The following QSER1 variants were observed in gnomAD, a reference collection of about 807,000 sequenced individuals.
The protein encoded by QSER1 is glutamine and serine-rich protein 1.
QSER1 carries 49 observed loss-of-function variants against 158.5 expected under a neutral mutation model. The observed-to-expected ratio is 0.31, with a 90% CI of 0.25 to 0.39. QSER1 has a LOEUF of 0.39. Ranked by LOEUF, QSER1 falls within the 10% of genes least tolerant of loss-of-function variation. The pLI is 1.00. For missense variants in QSER1, 1,754 were observed against 2,010.3 expected (o/e 0.87, Z 2.44); for synonymous variants, 650 against 715.5 (o/e 0.91, Z 1.46).
intron 9 of QSER1, among the ~76,000 whole-genome samples, chr11:32,966,938 A>T (rs1852759834): frequency 1.3e-5 from 2 of 152,292 alleles, no homozygotes; most frequent in Middle Eastern, 3.4e-3. Flanking sequence ...TTATTTGAGA[A>T]ATCTCCATAC....
chr11:32,951,157 TTTTAATTATAATCATCC>T (rs1213927917), intron 4 of QSER1, among the ~76,000 whole-genome samples: 3 of 152,202 alleles, frequency 2.0e-5, no homozygotes, highest in African/African-American at 7.2e-5. Context: ...ATGTCTATAT[TTTTAATTATAATCATCC>T]TAGTAGGATG....
intron 4 of QSER1, among the ~76,000 whole-genome samples, chr11:32,943,293 G>A (rs1852271691): frequency 6.8e-6 from 1 of 147,686 alleles, no homozygotes; most frequent in African/African-American, 2.5e-5. Context: ...GGTGAGAGAG[G>A]GCATCCCTGT....
chr11:32,958,898 AG>A (rs1852572391), intron 8 of QSER1, among the ~76,000 whole-genome samples: 1 of 152,182 alleles, frequency 6.6e-6, no homozygotes, highest in South Asian at 2.1e-4. Context: ...TAAAATGTAA[AG>A]GTTGAAATAA....
chr11:32,971,460 T>G (rs1227162699), intron 10 of QSER1, among the ~76,000 whole-genome samples: 1 of 152,182 alleles, frequency 6.6e-6, no homozygotes, highest in Non-Finnish European at 1.5e-5. Context: ...TTGGAAAGAT[T>G]TAAATTTTCT....
rs903909132 is a variant in QSER1, at chr11:32,963,400, G to T, written c.4970-2900G>T. ...AGACGGAGTCTCGCACTATCGTCCA[G>T]GCTGGAGTGCAGTGGCGCGATCTCG... On this transcript the variant is annotated intron_variant, in intron 8 of 12. Coordinates refer to ENST00000650167, the MANE Select transcript of QSER1 (RefSeq NM_001076786.3). 4.6e-5 allele frequency among the ~76,000 whole-genome samples: 7 copies of T among 152,160 alleles called. No homozygotes were observed. In the South Asian group the frequency reaches 6.2e-4, roughly 14 times the overall value.
intron 4 of QSER1, among the ~76,000 whole-genome samples, chr11:32,946,729 A>C (rs1462082506): frequency 6.6e-6 from 1 of 152,010 alleles, no homozygotes; most frequent in African/African-American, 2.4e-5. Flanking sequence ...AGAGGCAGGC[A>C]GGCCTCCTTG....
intron 1 of QSER1, among the ~76,000 whole-genome samples, chr11:32,925,602 A>G (rs1302326620): frequency 1.3e-5 from 2 of 151,782 alleles, no homozygotes; most frequent in African/African-American, 4.8e-5. Flanking sequence ...ATCTCAGCTC[A>G]CTGCAACGTC....
rs112436202 is a variant in QSER1, at chr11:32,947,090, G to A, written c.4178-6767G>A. Among the ~76,000 whole-genome samples, 628 of 152,288 alleles carry A rather than the reference G, an allele frequency of 4.1e-3. 3 individuals are homozygous for A. Among genetic ancestry groups the A allele is most frequent in the African/African-American group, 0.012 (505 of 41,560 alleles). ...GCAATGCCTCACCCTGCTTTGGCTC[G>A]CGCACGGTGCGTGCACCCACTGACC... On this transcript the variant is annotated intron_variant, in intron 4 of 12. Transcript: ENST00000650167.
intron 1 of QSER1, among the ~76,000 whole-genome samples, chr11:32,922,998 G>A (rs1291547218): frequency 1.3e-5 from 2 of 152,116 alleles, no homozygotes; most frequent in South Asian, 2.1e-4. Context: ...AAAAACTTAT[G>A]CACATGTGTA....
chr11:32,954,320 A>G (rs1280432312), intron 5 of QSER1, 141 bp downstream of exon 5: 4 of 948,514 alleles, frequency 4.2e-6, no homozygotes, highest in Non-Finnish European at 6.0e-6. Flanking sequence ...AAATCAAAAT[A>G]TTAAGAGTAG....
Position 32,947,921 on chromosome 11 carries a change from T to C in QSER1, c.4178-5936T>C, listed in dbSNP as rs180964741. Among the ~76,000 whole-genome samples, 53 of 152,350 alleles carry C rather than the reference T, an allele frequency of 3.5e-4. 1 individual carries two copies. The East Asian group carries it at 0.01, about 29-fold the overall frequency. ...ACTAATGTTGTTATTAGCATTTTTT[T>C]AGTATTTTTCCATATCTATGTTTTC... On this transcript the variant is annotated intron_variant, in intron 4 of 12. Coordinates refer to ENST00000650167, the MANE Select transcript of QSER1 (RefSeq NM_001076786.3).
chr11:32,960,914 T>C (rs543767544), intron 8 of QSER1, among the ~76,000 whole-genome samples: 5 of 152,206 alleles, frequency 3.3e-5, no homozygotes, highest in Admixed American at 6.5e-5. Context: ...TTCAGACTCT[T>C]TGTTTCAGGA....
chr11:32,915,014 G>C (rs749490968), intron 1 of QSER1, among the ~76,000 whole-genome samples: 1 of 152,058 alleles, frequency 6.6e-6, no homozygotes. Context: ...TGACCTGCTG[G>C]GCTCAAGCCA....
In QSER1 at chr11:32,976,557, G is replaced by T; in HGVS notation, c.*83G>T. ...GTCAAAGATAATCAGATGTCAAGTA[G>T]TGGCCTTCTGCAGGCCGGCCGCTTC... On this transcript the variant is annotated 3_prime_UTR_variant, in exon 13 of 13. Coordinates refer to ENST00000650167, the MANE Select transcript of QSER1 (RefSeq NM_001076786.3). The T allele has an allele frequency of 6.8e-7, 1 of 1,463,350 alleles. No homozygotes were observed. Among genetic ancestry groups the T allele is most frequent in the South Asian group, 1.2e-5 (1 of 81,348 alleles). The allele number at this position is 1,463,350 out of a possible 1,614,324, so 90.6% of individuals were successfully genotyped here.
rs1395522145 is a variant in QSER1, at chr11:32,932,368, C to T, written c.1110C>T (p.Ser370=). 5.6e-6 allele frequency: 9 copies of T among 1,612,232 alleles called. No individual in the cohort carries two copies. Among genetic ancestry groups the T allele is most frequent in the Non-Finnish European group, 6.8e-6 (8 of 1,180,016 alleles). The change falls in exon 4 of 13, where the codon TCC becomes TCT. Residue 370 remains serine, a synonymous_variant. Coordinates refer to ENST00000650167, the MANE Select transcript of QSER1 (RefSeq NM_001076786.3). The part of the protein sequence containing the change: ...SSLSCSPIGD[S]TQVSNGGLQQ... ...TATCCTGTAGCCCAATTGGAGATTC[C>T]ACTCAGGTGAGCAACGGAGGATTAC... is the stretch of plus-strand genomic sequence containing the variant.
intron 1 of QSER1, among the ~76,000 whole-genome samples, chr11:32,902,091 A>G (rs772071003): frequency 6.6e-6 from 1 of 152,186 alleles, no homozygotes; most frequent in Non-Finnish European, 1.5e-5. Context: ...TCAAAAACAC[A>G]ACAAAAAAAT....
intron 1 of QSER1, among the ~76,000 whole-genome samples, chr11:32,907,132 T>G (rs1367593636): frequency 6.6e-6 from 1 of 152,202 alleles, no homozygotes; most frequent in Non-Finnish European, 1.5e-5. Context: ...TACAAATTTG[T>G]GGACATTTCC....
At chr11:32,940,823 T>C (rs1442589375) in intron 4 of QSER1, among the ~76,000 whole-genome samples, 1 of 152,164 alleles carries the variant, frequency 6.6e-6, no homozygotes, top group Admixed American at 6.5e-5. Context: ...TGTCAGTCTG[T>C]GAAAGGTTTT....
chr11:32,915,860 T>C (rs2024636), intron 1 of QSER1, among the ~76,000 whole-genome samples: 26,069 of 152,038 alleles, frequency 0.17, 3,072 homozygotes, highest in East Asian at 0.63. Context: ...CTTCTTTTGG[T>C]AGTGTTGCGT....
Sources: gnomAD v4.1 joint callset for allele counts (sites outside exome capture counted in the v4.1 genomes callset) on GRCh38, gnomAD v4.1.1 for gene constraint, MANE v1.5 for transcripts, NCBI Gene and HGNC (gene_info 2026-07-23, HGNC 2026-07-21) for gene names.